Variants in WIPI1 observed in about 807,000 individuals in gnomAD.
The protein encoded by WIPI1 is WD repeat domain, phosphoinositide interacting 1.
In WIPI1, 45 loss-of-function variants were observed where a neutral mutation model predicts 55.3. That is an observed-to-expected ratio of 0.81 (90% CI 0.64 to 1.04). The LOEUF (loss-of-function observed/expected upper bound fraction) is 1.04, where lower values mean the gene tolerates loss of function less well. Ranked by LOEUF, WIPI1 falls within the 50% of genes least tolerant of loss-of-function variation. WIPI1 has a pLI of 0.00. For missense variants in WIPI1, 445 were observed against 559.0 expected, an observed-to-expected ratio of 0.80 and a Z score of 2.06; for synonymous variants, 195 against 217.6, an observed-to-expected ratio of 0.90 and a Z score of 0.92.
At chr17:68,426,250 G>GGGGGGGC in intron 11 of WIPI1, 75 bp from the exon 12 acceptor site, 1 of 828,060 alleles carries the variant, frequency 1.2e-6, no homozygotes, top group Non-Finnish European at 1.9e-6. Flanking sequence ...GGTGGGGAGC[G>GGGGGGGC]GGGGCTCAAA....
intron 4 of WIPI1, chr17:68,440,844 T>C (rs571811578): frequency 1.4e-4 from 22 of 152,366 alleles, no homozygotes; most frequent in African/African-American, 5.3e-4. Context: ...CAGTGATTTA[T>C]AAAATGCAGT....
intron 12 of WIPI1, chr17:68,422,432 A>G (rs1461583786): frequency 7.3e-6 from 1 of 136,132 alleles, no homozygotes; most frequent in Non-Finnish European, 1.6e-5. Flanking sequence ...CCATCTCAAA[A>G]AAAAAAAAGT....
chr17:68,443,376 G>A (rs2084160277), intron 4 of WIPI1, among the ~76,000 whole-genome samples: 1 of 152,140 alleles, frequency 6.6e-6, no homozygotes, highest in Admixed American at 6.6e-5. Flanking sequence ...GCCTCCCAAT[G>A]TGCTGCGATT....
chr17:68,439,667 C>T lies in WIPI1; in HGVS notation c.431-3188G>A, dbSNP rs529060160. Among the ~76,000 whole-genome samples, 6 of 152,268 alleles carry T rather than the reference C, an allele frequency of 3.9e-5. No individual in the cohort carries two copies. In the East Asian group the frequency reaches 1.2e-3, roughly 29 times the overall value. On this transcript the variant is annotated intron_variant, in intron 4 of 12. Transcript: ENST00000262139. ...AAGATTTTCAAATTTTATTTTAAGG[C>T]ATGTTTCAGGAATATTTATCTGGTT...
chr17:68,450,646 C>T, intron 3 of WIPI1, 82 bp downstream of exon 3: 1 of 1,499,502 alleles, frequency 6.7e-7, no homozygotes, highest in Non-Finnish European at 9.0e-7. Context: ...GTTTTACAGA[C>T]ATTGATCTTG....
chr17:68,432,362 A>C (rs936463314), intron 8 of WIPI1, among the ~76,000 whole-genome samples: 1 of 152,202 alleles, frequency 6.6e-6, no homozygotes, highest in Non-Finnish European at 1.5e-5. Flanking sequence ...TGGCAGAAAA[A>C]GATGGCAGAA....
intron 12 of WIPI1, 193 bp from the exon 13 acceptor site, chr17:68,422,013 T>A (rs896973161): frequency 2.4e-5 from 15 of 623,750 alleles, no homozygotes; most frequent in Non-Finnish European, 4.0e-5. Flanking sequence ...TATGACACAG[T>A]TCTAGAAAAT....
intron 4 of WIPI1, among the ~76,000 whole-genome samples, chr17:68,439,176 G>C (rs994191098): frequency 6.6e-6 from 1 of 152,068 alleles, no homozygotes. Flanking sequence ...ACAAAAACTT[G>C]TATATGAATG....
intron 4 of WIPI1, among the ~76,000 whole-genome samples, chr17:68,437,355 G>T (rs1048802178): frequency 7.9e-5 from 12 of 152,116 alleles, no homozygotes; most frequent in Non-Finnish European, 1.8e-4. Context: ...AGGAGTTCGA[G>T]ATCGGGCTGG....
At chr17:68,435,279 T>C (rs1208873287) in intron 6 of WIPI1, among the ~76,000 whole-genome samples, 1 of 152,054 alleles carries the variant, frequency 6.6e-6, no homozygotes, top group Non-Finnish European at 1.5e-5. Flanking sequence ...TTTCTCTAAA[T>C]AGCAAAGTAA....
chr17:68,439,721 A>T (rs2083995656), intron 4 of WIPI1, among the ~76,000 whole-genome samples: 2 of 152,214 alleles, frequency 1.3e-5, no homozygotes, highest in African/African-American at 4.8e-5. Context: ...TGAGTTCAAG[A>T]CTGAGGTCTG....
chr17:68,436,282 C>T (rs949826404), intron 5 of WIPI1, 100 bp downstream of exon 5: 21 of 1,056,876 alleles, frequency 2.0e-5, no homozygotes, highest in South Asian at 1.2e-4. Flanking sequence ...TTACTCCCAC[C>T]GCCTCCAGCC....
chr17:68,453,663 G>C (rs2084573904), intron 1 of WIPI1, among the ~76,000 whole-genome samples: 1 of 151,986 alleles, frequency 6.6e-6, no homozygotes, highest in Non-Finnish European at 1.5e-5. Flanking sequence ...ATTTTTAGTA[G>C]AGACAGGGTT....
intron 4 of WIPI1, among the ~76,000 whole-genome samples, chr17:68,439,335 G>C (rs1180024547): frequency 2.0e-5 from 3 of 152,118 alleles, no homozygotes; most frequent in Non-Finnish European, 4.4e-5. Flanking sequence ...CAACACAGAA[G>C]AACCTTGGAA....
chr17:68,457,431 G>T lies in WIPI1; in HGVS notation c.-10C>A. On this transcript the variant is annotated 5_prime_UTR_variant, in exon 1 of 13. Coordinates refer to ENST00000262139, the MANE Select transcript of WIPI1 (RefSeq NM_017983.7). ...CGGCCTCGGCCTCCATCGGGGGCTC[G>T]GCCCGGGAAGCCGCAGCTCGGAGCC... is the stretch of plus-strand genomic sequence containing the variant. 6.7e-7 allele frequency: 1 copy of T among 1,495,384 alleles called. No homozygotes were observed. The highest frequency in any genetic ancestry group is 8.9e-7 in the Non-Finnish European group (1 of 1,122,818). 92.6% of individuals were successfully genotyped at this position (1,495,384 alleles called of 1,614,324 possible). A position where few individuals can be genotyped will look rare whatever the true frequency, so the allele number is the denominator to read the frequency against.
chr17:68,450,420 G>A (rs1045522299), intron 3 of WIPI1, among the ~76,000 whole-genome samples: 3 of 152,184 alleles, frequency 2.0e-5, no homozygotes, highest in African/African-American at 7.2e-5. Context: ...TGGCTCATGG[G>A]ACTGTCCAAG....
intron 1 of WIPI1, among the ~76,000 whole-genome samples, chr17:68,453,895 A>G (rs1662127209): frequency 6.6e-6 from 1 of 152,168 alleles, no homozygotes; most frequent in South Asian, 2.1e-4. Flanking sequence ...TCACACCTGG[A>G]TGTATATTAA....
intron 1 of WIPI1, 36 bp downstream of exon 1, chr17:68,457,306 C>A (rs1310668477): frequency 2.0e-6 from 3 of 1,538,218 alleles, no homozygotes; most frequent in African/African-American, 2.8e-5. Flanking sequence ...ACACTCTGTC[C>A]CCCACCTCCC....
chr17:68,439,925 G>T (rs918167), intron 4 of WIPI1, among the ~76,000 whole-genome samples: 40,272 of 150,672 alleles, frequency 0.27, 5,982 homozygotes, highest in Middle Eastern at 0.35. Flanking sequence ...AGCAGTCTTG[G>T]AGCAGAAGCC....
Sources: gnomAD v4.1 joint callset for allele counts (sites outside exome capture counted in the v4.1 genomes callset) on GRCh38, gnomAD v4.1.1 for gene constraint, MANE v1.5 for transcripts, NCBI Gene and HGNC (gene_info 2026-07-23, HGNC 2026-07-21) for gene names.